LYST: variants seen among roughly 807,000 people sequenced by gnomAD.
LYST encodes the protein lysosomal trafficking regulator.
Under a neutral mutation model 413.6 loss-of-function variants are expected in LYST, and 192 were observed. The ratio of observed to expected loss-of-function variants is 0.46; its 90% CI spans 0.41 to 0.52. The LOEUF (loss-of-function observed/expected upper bound fraction) is 0.52, where lower values mean the gene tolerates loss of function less well. LYST is among the 20% of genes least tolerant of loss of function. The pLI is 0.00. For missense variants in LYST, 3,815 were observed against 4,499.9 expected, an observed-to-expected ratio of 0.85 and a Z score of 4.35; for synonymous variants, 1,525 against 1,567.3, an observed-to-expected ratio of 0.97 and a Z score of 0.64.
intron 42 of LYST, among the ~76,000 whole-genome samples, chr1:235,714,468 C>A (rs545371033): frequency 6.6e-6 from 1 of 152,280 alleles, no homozygotes; most frequent in Non-Finnish European, 1.5e-5. Context: ...AGAGTGAATA[C>A]AAATTCATTC....
intron 48 of LYST, among the ~76,000 whole-genome samples, chr1:235,678,664 T>C (rs1348599757): frequency 6.6e-6 from 1 of 152,214 alleles, no homozygotes; most frequent in Non-Finnish European, 1.5e-5. Flanking sequence ...ATATTATCAA[T>C]TTATTTTTTA....
chr1:235,668,715 A>C (rs1300716357), intron 50 of LYST, among the ~76,000 whole-genome samples: 2 of 152,226 alleles, frequency 1.3e-5, no homozygotes, highest in Non-Finnish European at 2.9e-5. Flanking sequence ...CAAAACAAGA[A>C]AGTAGAGAAC....
At chr1:235,689,056 C>T (rs1250749748) in intron 47 of LYST, among the ~76,000 whole-genome samples, 1 of 134,348 alleles carries the variant, frequency 7.4e-6, no homozygotes, top group Admixed American at 7.2e-5. Flanking sequence ...ACAATAATAT[C>T]CTAGCTGAAT....
At chr1:235,807,213 C>A (rs1363496855) in intron 5 of LYST, among the ~76,000 whole-genome samples, 1 of 152,194 alleles carries the variant, frequency 6.6e-6, no homozygotes, top group Admixed American at 6.6e-5. Context: ...TACTTTAAAT[C>A]TATACCTTAT....
At chr1:235,696,950 T>G in intron 46 of LYST, 133 bp downstream of exon 46, 1 of 790,038 alleles carries the variant, frequency 1.3e-6, no homozygotes, top group Non-Finnish European at 2.2e-6. Flanking sequence ...TCATTCCTAC[T>G]TTGCACTAAA....
intron 32 of LYST, 98 bp from the exon 33 acceptor site, chr1:235,734,004 A>T: frequency 3.2e-6 from 2 of 631,884 alleles, no homozygotes; most frequent in South Asian, 4.6e-5. Flanking sequence ...CCCAGTTAAC[A>T]AAGGAAAAAC....
intron 10 of LYST, among the ~76,000 whole-genome samples, chr1:235,798,169 A>T (rs1442055013): frequency 2.0e-5 from 3 of 152,196 alleles, no homozygotes; most frequent in Admixed American, 2.0e-4. Context: ...GGAAAGTCTG[A>T]GAAACTGTTA....
chr1:235,771,667 T>C lies in LYST; in HGVS notation c.5785-1370A>G, dbSNP rs1373496655. 2.0e-5 allele frequency among the ~76,000 whole-genome samples: 3 copies of C among 152,214 alleles called. No homozygotes were observed. The East Asian group carries it at 5.8e-4, about 29-fold the overall frequency. The stretch of plus-strand genomic sequence containing the variant: ...AAAGGCATCACAACCAATTACAAAG[T>C]TTAAAAAACTGAAAAGTACCATGAA... On this transcript the variant is annotated intron_variant, in intron 19 of 52. Coordinates refer to ENST00000389793, the MANE Select transcript of LYST (RefSeq NM_000081.4).
chr1:235,825,830 C>T (rs1675266762), intron 3 of LYST, among the ~76,000 whole-genome samples: 1 of 151,798 alleles, frequency 6.6e-6, no homozygotes, highest in Admixed American at 6.6e-5. Context: ...CAAGTTGATT[C>T]TAAAATTTAT....
Position 235,787,372 on chromosome 1 carries a change from C to T in LYST, c.4690G>A (p.Val1564Met), listed in dbSNP as rs775844553. 1.7e-5 allele frequency: 28 copies of T among 1,613,192 alleles called. No individual in the cohort carries two copies. The Admixed American group carries it at 3.5e-4, about 20-fold the overall frequency. The change falls in exon 14 of 53, where the codon GTG becomes ATG. Residue 1564 changes from valine to methionine, a missense_variant and splice_region_variant. This residue lies in a region of LYST where 530 missense variants were observed against 696.5 expected (regional missense o/e 0.76). Transcript: ENST00000389793. ...ATGTCATCATTTGAATCCATGCACA[C>T]ACTACAGAAAAAGAGAAAAGGCATA... ...DPHNATLIFR[V>M]CMDSNDDMKA...
chr1:235,858,261 T>C (rs1443707106), intron 1 of LYST, among the ~76,000 whole-genome samples: 1 of 152,210 alleles, frequency 6.6e-6, no homozygotes, highest in Non-Finnish European at 1.5e-5. Flanking sequence ...AGTTACTCAA[T>C]CTCACTGAGC....
intron 1 of LYST, among the ~76,000 whole-genome samples, chr1:235,877,647 C>A (rs1226319875): frequency 6.6e-6 from 1 of 152,044 alleles, no homozygotes; most frequent in Non-Finnish European, 1.5e-5. Context: ...CTCAGGTGAT[C>A]CACCCGCCTT....
chr1:235,780,955 G>A lies in LYST; in HGVS notation c.5124C>T (p.Tyr1708=). ...PCKYGKPVND[Y]SKYINKEILR... ...AAATTTCTTTATTAATATATTTGGAGTAGTCATTGACTGGCTTGCCATACT... is the reference window on the plus strand; with the variant it reads ...AAATTTCTTTATTAATATATTTGGAATAGTCATTGACTGGCTTGCCATACT... Residue 1708 remains tyrosine (Y), a synonymous_variant, in exon 16 of 53, where the codon TAC becomes TAT. Transcript: ENST00000389793. 2.5e-6 allele frequency: 4 copies of A among 1,600,838 alleles called. No homozygotes were observed. Among genetic ancestry groups the A allele is most frequent in the Non-Finnish European group, 3.4e-6 (4 of 1,169,472 alleles).
intron 48 of LYST, 97 bp from the exon 49 acceptor site, chr1:235,677,716 C>A: frequency 1.1e-6 from 1 of 891,768 alleles, no homozygotes; most frequent in Non-Finnish European, 1.9e-6. Context: ...CTCAAATGGT[C>A]TTCTCAAACA....
chr1:235,772,961 A>G (rs1310993807), intron 19 of LYST, among the ~76,000 whole-genome samples: 1 of 152,242 alleles, frequency 6.6e-6, no homozygotes, highest in Non-Finnish European at 1.5e-5. Context: ...ATTTATAATT[A>G]ACATTACAAT....
intron 39 of LYST, among the ~76,000 whole-genome samples, chr1:235,721,468 G>A (rs1663360607): frequency 6.6e-6 from 1 of 152,016 alleles, no homozygotes; most frequent in Non-Finnish European, 1.5e-5. Context: ...TCACAGAAAA[G>A]GGGTATTGGT....
chr1:235,878,622 C>T (rs1681240921), intron 1 of LYST, among the ~76,000 whole-genome samples: 1 of 152,156 alleles, frequency 6.6e-6, no homozygotes, highest in African/African-American at 2.4e-5. Flanking sequence ...AAAGCACCAT[C>T]ACAGGACCTC....
In LYST at chr1:235,662,833, G is replaced by A. The variant is rs983866259; in HGVS notation, c.*107C>T. 6 of 782,214 alleles carry A rather than the reference G, an allele frequency of 7.7e-6. No homozygotes were observed. The African/African-American group carries it at 1.0e-4, about 13-fold the overall frequency. 48.5% of individuals were successfully genotyped at this position (782,214 alleles called of 1,614,324 possible). A position where few individuals can be genotyped will look rare whatever the true frequency, so the allele number is the denominator to read the frequency against. ...AATAGACTTTATCATTATTTGGATGGTTTGTCCAGTCATCCATTTCTTTAG... is the reference window on the plus strand; with the variant it reads ...AATAGACTTTATCATTATTTGGATGATTTGTCCAGTCATCCATTTCTTTAG... On this transcript the variant is annotated 3_prime_UTR_variant, in exon 53 of 53. Transcript: ENST00000389793.
At chr1:235,702,339 C>T (rs954614598) in intron 45 of LYST, among the ~76,000 whole-genome samples, 1 of 152,166 alleles carries the variant, frequency 6.6e-6, no homozygotes, top group Non-Finnish European at 1.5e-5. Context: ...CATCACTGGT[C>T]AATCCTTTTG....
Sources: allele counts gnomAD v4.1 joint callset (sites outside exome capture counted in the v4.1 genomes callset), GRCh38; gene constraint gnomAD v4.1.1; regional missense constraint gnomAD v4.1.1; transcripts MANE v1.5; gene names NCBI Gene and HGNC (gene_info 2026-07-23, HGNC 2026-07-21).